The following CLASP2 variants were observed in gnomAD, a reference collection of about 807,000 sequenced individuals.
CLASP2 encodes CLIP-associating protein 2.
Under a neutral mutation model 194.4 loss-of-function variants are expected in CLASP2, and 47 were observed. That is an observed-to-expected ratio of 0.24 (90% confidence interval 0.19 to 0.31). The LOEUF (loss-of-function observed/expected upper bound fraction) is 0.31, where lower values mean the gene tolerates loss of function less well. Among genes scored for constraint, CLASP2 ranks in the 10% least tolerant of loss-of-function variants. CLASP2 has a pLI of 1.00. For missense variants in CLASP2, 1,445 were observed against 1,823.6 expected (o/e 0.79, Z 3.78); for synonymous variants, 619 against 633.5 (o/e 0.98, Z 0.34).
chr3:33,598,738 A>T (rs1267349119), intron 18 of CLASP2, among the ~76,000 whole-genome samples: 1 of 152,128 alleles, frequency 6.6e-6, no homozygotes, highest in Non-Finnish European at 1.5e-5. Context: ...AACCAACTAA[A>T]ATCTGACTTC....
intron 36 of CLASP2, among the ~76,000 whole-genome samples, chr3:33,512,688 GAAA>G (rs974434369): frequency 2.5e-5 from 2 of 78,758 alleles, no homozygotes; most frequent in Admixed American, 1.4e-4. Context: ...ACATACACTG[GAAA>G]AAAAAAAAAA....
At chr3:33,527,427 C>A (rs2054876311) in intron 34 of CLASP2, among the ~76,000 whole-genome samples, 1 of 152,124 alleles carries the variant, frequency 6.6e-6, no homozygotes, top group Non-Finnish European at 1.5e-5. Context: ...GAAACTGATT[C>A]CCTGAACAGA....
intron 22 of CLASP2, among the ~76,000 whole-genome samples, chr3:33,584,282 G>GTTTT: frequency 7.5e-6 from 1 of 132,616 alleles, no homozygotes; most frequent in Admixed American, 7.6e-5. Context: ...TTTGTTTTGG[G>GTTTT]TTTTTTTTTT....
chr3:33,706,210 C>A (rs957884799), intron 1 of CLASP2, among the ~76,000 whole-genome samples: 1 of 152,000 alleles, frequency 6.6e-6, no homozygotes, highest in Non-Finnish European at 1.5e-5. Context: ...ATGGTGCCAC[C>A]GCACTCTAAC....
At chr3:33,505,879 C>T (rs934554664) in intron 37 of CLASP2, among the ~76,000 whole-genome samples, 12 of 151,902 alleles carry the variant, frequency 7.9e-5, no homozygotes, top group Admixed American at 5.9e-4. Context: ...CATAATAAGA[C>T]ACTATCTCTA....
intron 25 of CLASP2, 122 bp from the exon 26 acceptor site, chr3:33,570,912 A>G: frequency 1.2e-6 from 1 of 867,294 alleles, no homozygotes; most frequent in Non-Finnish European, 1.7e-6. Context: ...ATGGTGGCTC[A>G]CGCCTATAAT....
rs1282943070 is a variant in CLASP2, at chr3:33,497,884, CAGTA to C, written c.*743_*746del. ...AACCCTGCAATAAAACCTTCTATTT[CAGTA>C]AGTATCAAGAAAAAACAGGCAGATG... On this transcript the variant is annotated 3_prime_UTR_variant, in exon 39 of 39. Transcript: ENST00000682230. 6.6e-6 allele frequency: 1 copy of C among 152,522 alleles called. No homozygotes were observed. The highest frequency in any genetic ancestry group is 1.5e-5 in the Non-Finnish European group (1 of 68,012). The allele number at this position is 152,522 out of a possible 1,614,324, so 9.4% of individuals were successfully genotyped here.
At chr3:33,664,568 T>C (rs984171211) in intron 6 of CLASP2, among the ~76,000 whole-genome samples, 4 of 152,234 alleles carry the variant, frequency 2.6e-5, no homozygotes, top group African/African-American at 7.2e-5. Context: ...ATTTTTTTAG[T>C]TGAAATCTCC....
Position 33,535,024 on chromosome 3 carries a change from T to C in CLASP2, c.3787+209A>G, listed in dbSNP as rs138208338. ...ACTAAGGTTTTCTTGATTTTGATCA[T>C]GATCTCAAGATGACTACCCTGTTTC... On this transcript the variant is annotated intron_variant, in intron 34 of 38. Coordinates refer to ENST00000682230, the MANE Select transcript of CLASP2 (RefSeq NM_001365631.1). 7.7e-3 allele frequency among the ~76,000 whole-genome samples: 1,168 copies of C among 152,278 alleles called. 18 individuals are homozygous for C. The highest frequency in any genetic ancestry group is 0.026 in the African/African-American group (1,060 of 41,542).
chr3:33,707,386 A>C (rs1420052176), intron 1 of CLASP2, among the ~76,000 whole-genome samples: 3 of 152,272 alleles, frequency 2.0e-5, no homozygotes, highest in African/African-American at 7.2e-5. Flanking sequence ...GAATCATAGC[A>C]ATATACCTAC....
Position 33,513,011 on chromosome 3 carries a change from CCAAA to C in CLASP2, c.4111-2251_4111-2248del, listed in dbSNP as rs374109899. On this transcript the variant is annotated intron_variant, in intron 36 of 38. Transcript: ENST00000682230. Reference sequence around the variant, plus strand: ...GTCTAAAAACCAACCAACCAACCAACCAAACAAACAAAAAACAAGAAAATACACT... The same window carrying C: ...GTCTAAAAACCAACCAACCAACCAACCAAACAAAAAACAAGAAAATACACT... Among the ~76,000 whole-genome samples the C allele has an allele frequency of 4.7e-4, 71 of 151,960 alleles. 1 individual carries two copies. The highest frequency in any genetic ancestry group is 1.6e-3 in the African/African-American group (66 of 41,446).
chr3:33,628,139 T>A (rs182944316), intron 9 of CLASP2, among the ~76,000 whole-genome samples: 38 of 152,230 alleles, frequency 2.5e-4, no homozygotes, highest in African/African-American at 8.9e-4. Flanking sequence ...ACCTTTTGCT[T>A]AACAGAGAGT....
chr3:33,584,340 T>G (rs2066870743), intron 22 of CLASP2, among the ~76,000 whole-genome samples: 1 of 149,994 alleles, frequency 6.7e-6, no homozygotes, highest in Non-Finnish European at 1.5e-5. Flanking sequence ...TGCAGTGTGA[T>G]CTTGGCTCAC....
At chr3:33,602,089 C>A (rs1345571275) in intron 18 of CLASP2, among the ~76,000 whole-genome samples, 5 of 151,050 alleles carry the variant, frequency 3.3e-5, no homozygotes, top group Admixed American at 6.6e-5. Flanking sequence ...TTTTGGCTCA[C>A]TGCAACCTCT....
intron 34 of CLASP2, among the ~76,000 whole-genome samples, chr3:33,524,903 A>T (rs978399665): frequency 6.6e-6 from 1 of 152,212 alleles, no homozygotes; most frequent in South Asian, 2.1e-4. Flanking sequence ...TCTCACTCTC[A>T]ATAATGGATA....
chr3:33,576,040 C>T, intron 24 of CLASP2, 129 bp downstream of exon 24: 1 of 660,030 alleles, frequency 1.5e-6, no homozygotes, highest in Non-Finnish European at 2.6e-6. Context: ...TTTACACTGC[C>T]CACGTTTTAT....
At position 33,706,539 on chromosome 3, in the gene CLASP2, C is replaced by T. The variant is rs189658483; in HGVS notation, c.196-9606G>A. ...ACAAAACTCTGAAAAATACAGTTAACAGTCTTTATAAATCTTATTGTTGTT... is the reference window on the plus strand; with the variant it reads ...ACAAAACTCTGAAAAATACAGTTAATAGTCTTTATAAATCTTATTGTTGTT... On this transcript the variant is annotated intron_variant, in intron 1 of 38. Transcript: ENST00000682230. Among the ~76,000 whole-genome samples the T allele has an allele frequency of 2.0e-4, 31 of 152,234 alleles. 1 individual carries two copies. The East Asian group carries it at 5.6e-3, about 27-fold the overall frequency.
intron 34 of CLASP2, among the ~76,000 whole-genome samples, chr3:33,534,052 A>G (rs1367172913): frequency 1.3e-5 from 2 of 152,144 alleles, no homozygotes; most frequent in African/African-American, 4.8e-5. Flanking sequence ...ACACAAAAAG[A>G]ATTATTTATG....
At chr3:33,631,330 A>G (rs2079044288) in intron 9 of CLASP2, among the ~76,000 whole-genome samples, 1 of 152,194 alleles carries the variant, frequency 6.6e-6, no homozygotes, top group South Asian at 2.1e-4. Flanking sequence ...GATTATAACT[A>G]TGAAATTCTA....
Sources: gnomAD v4.1 joint callset for allele counts (sites outside exome capture counted in the v4.1 genomes callset) on GRCh38, gnomAD v4.1.1 for gene constraint, MANE v1.5 for transcripts, NCBI Gene and HGNC (gene_info 2026-07-23, HGNC 2026-07-21) for gene names.